The following SLC35F4 variants were observed in gnomAD, a reference collection of about 807,000 sequenced individuals.
SLC35F4 encodes the protein chromosome 14 open reading frame 36.
In SLC35F4, 24 loss-of-function variants were observed where a neutral mutation model predicts 44.2. That is an observed-to-expected ratio of 0.54 (90% confidence interval 0.39 to 0.76). The LOEUF (loss-of-function observed/expected upper bound fraction) is 0.76, where lower values mean the gene tolerates loss of function less well. SLC35F4 is among the 30% of genes least tolerant of loss of function. SLC35F4 has a pLI of 0.00. For missense variants in SLC35F4, 562 were observed against 586.1 expected (o/e 0.96, Z 0.42); for synonymous variants, 238 against 223.6 (o/e 1.06, Z -0.57).
intron 1 of SLC35F4, among the ~76,000 whole-genome samples, chr14:57,875,828 A>T (rs1249584314): frequency 6.6e-6 from 1 of 152,222 alleles, no homozygotes; most frequent in East Asian, 1.9e-4. Flanking sequence ...AATTGTGGCC[A>T]TTCTTGGATT....
intron 1 of SLC35F4, among the ~76,000 whole-genome samples, chr14:57,857,423 A>G (rs1168733202): frequency 6.6e-6 from 1 of 152,054 alleles, no homozygotes; most frequent in Non-Finnish European, 1.5e-5. Context: ...AAGTACATCT[A>G]TTTGATTCAT....
At chr14:57,773,870 G>A (rs536419645) in intron 1 of SLC35F4, among the ~76,000 whole-genome samples, 4 of 152,212 alleles carry the variant, frequency 2.6e-5, no homozygotes, top group African/African-American at 9.6e-5. Flanking sequence ...AGTCACAGGA[G>A]CCCATGTATT....
At position 57,579,478 on chromosome 14, in the gene SLC35F4, A is replaced by G. The variant is rs80180407; in HGVS notation, c.807+1736T>C. On this transcript the variant is annotated intron_variant, in intron 4 of 7. Coordinates refer to ENST00000556826, the MANE Select transcript of SLC35F4 (RefSeq NM_001306087.2). ...TGAGGTCCATGAGTTAAATGTGCTC[A>G]TTTGCTTTAATACAACGGATTTTAT... is the stretch of plus-strand genomic sequence containing the variant. 14 of 152,188 alleles carry G rather than the reference A, an allele frequency of 9.2e-5. No individual in the cohort carries two copies. The East Asian group carries it at 2.7e-3, about 29-fold the overall frequency. The allele number at this position is 152,188 out of a possible 1,614,324, so 9.4% of individuals were successfully genotyped here.
chr14:57,782,908 G>T (rs1458080361), intron 1 of SLC35F4, among the ~76,000 whole-genome samples: 2 of 152,120 alleles, frequency 1.3e-5, no homozygotes, highest in Non-Finnish European at 2.9e-5. Context: ...TTGAAATGTG[G>T]CATAAATTGA....
chr14:57,875,987 C>T (rs1215804872), intron 1 of SLC35F4, among the ~76,000 whole-genome samples: 1 of 152,198 alleles, frequency 6.6e-6, no homozygotes, highest in Non-Finnish European at 1.5e-5. Context: ...CATGGGTTAA[C>T]AGAAGCAATG....
intron 1 of SLC35F4, among the ~76,000 whole-genome samples, chr14:57,672,440 G>T (rs2074550031): frequency 1.3e-5 from 2 of 152,064 alleles, no homozygotes; most frequent in African/African-American, 4.8e-5. Flanking sequence ...GTGCCATGAT[G>T]ACATACATCT....
intron 1 of SLC35F4, among the ~76,000 whole-genome samples, chr14:57,795,008 C>T (rs924897172): frequency 4.6e-5 from 7 of 151,966 alleles, no homozygotes; most frequent in African/African-American, 1.7e-4. Context: ...CAAATTACAC[C>T]CATCTCTGGA....
intron 1 of SLC35F4, among the ~76,000 whole-genome samples, chr14:57,954,640 T>A (rs1320326870): frequency 6.6e-6 from 1 of 152,056 alleles, no homozygotes; most frequent in African/African-American, 2.4e-5. Context: ...GAGAATACTA[T>A]AAACACCTCC....
rs570911209 is a variant in SLC35F4, at chr14:57,719,427, C to A, written c.104-125303G>T. Among the ~76,000 whole-genome samples the A allele has an allele frequency of 6.3e-4, 96 of 152,272 alleles. 3 individuals are homozygous for A. In the South Asian group the frequency reaches 0.019, roughly 31 times the overall value. On this transcript the variant is annotated intron_variant, in intron 1 of 7. Coordinates refer to ENST00000556826, the MANE Select transcript of SLC35F4 (RefSeq NM_001306087.2). ...GCTTTGGGTAGTATGGACATTTTAA[C>A]AATATTGATTCTTTCAATCCATGAA...
rs1162318197 is a variant in SLC35F4, at chr14:57,667,832, T to C, written c.104-73708A>G. ...TCTTTATAGCAGCATGATTTATAAT[T>C]CTTTGGGTATATACCCAGTAATGGG... On this transcript the variant is annotated intron_variant, in intron 1 of 7. Transcript: ENST00000556826. Among the ~76,000 whole-genome samples the C allele has an allele frequency of 3.3e-5, 5 of 150,866 alleles. No homozygotes were observed. In the East Asian group the frequency reaches 5.8e-4, roughly 18 times the overall value.
chr14:57,662,785 C>G (rs759653374), intron 1 of SLC35F4, among the ~76,000 whole-genome samples: 4 of 152,210 alleles, frequency 2.6e-5, no homozygotes, highest in Non-Finnish European at 5.9e-5. Context: ...CCCCTTTACA[C>G]TCATTCTCCA....
At chr14:57,796,062 C>A (rs954284212) in intron 1 of SLC35F4, among the ~76,000 whole-genome samples, 8 of 152,060 alleles carry the variant, frequency 5.3e-5, no homozygotes, top group African/African-American at 1.7e-4. Flanking sequence ...GTTTTCTGTT[C>A]CTGCATTAAT....
At chr14:57,722,440 C>T (rs2076107833) in intron 1 of SLC35F4, among the ~76,000 whole-genome samples, 1 of 152,174 alleles carries the variant, frequency 6.6e-6, no homozygotes, top group Non-Finnish European at 1.5e-5. Flanking sequence ...ACACCCTTGA[C>T]CAATGCCTTG....
At chr14:57,577,220 G>A (rs191741885) in intron 4 of SLC35F4, among the ~76,000 whole-genome samples, 1 of 152,274 alleles carries the variant, frequency 6.6e-6, no homozygotes, top group East Asian at 1.9e-4. Flanking sequence ...GCCTTCAGGG[G>A]CCCAATTTGA....
intron 1 of SLC35F4, among the ~76,000 whole-genome samples, chr14:57,823,171 C>T (rs1883357928): frequency 6.6e-6 from 1 of 152,144 alleles, no homozygotes; most frequent in African/African-American, 2.4e-5. Context: ...GATGGCCCCA[C>T]CTACCTTCTC....
At chr14:57,951,537 T>C (rs1169455798) in intron 1 of SLC35F4, among the ~76,000 whole-genome samples, 1 of 152,166 alleles carries the variant, frequency 6.6e-6, no homozygotes, top group African/African-American at 2.4e-5. Context: ...TCCACTGGCT[T>C]GAAATTCTCG....
intron 1 of SLC35F4, among the ~76,000 whole-genome samples, chr14:57,888,757 T>C (rs1888702506): frequency 6.6e-6 from 1 of 152,230 alleles, no homozygotes; most frequent in Non-Finnish European, 1.5e-5. Flanking sequence ...CTTATTTTAC[T>C]TTATTCATCA....
At chr14:57,970,255 C>T (rs1369473485) in intron 1 of SLC35F4, among the ~76,000 whole-genome samples, 1 of 152,132 alleles carries the variant, frequency 6.6e-6, no homozygotes, top group Admixed American at 6.5e-5. Flanking sequence ...AATGTATTTG[C>T]CTATCTTGAA....
intron 1 of SLC35F4, among the ~76,000 whole-genome samples, chr14:57,965,048 C>T (rs1890414159): frequency 6.7e-6 from 1 of 148,954 alleles, no homozygotes; most frequent in Admixed American, 6.7e-5. Context: ...CAAGAGGCCA[C>T]ACTTAGTGTA....
Sources: allele counts gnomAD v4.1 joint callset (sites outside exome capture counted in the v4.1 genomes callset), GRCh38; gene constraint gnomAD v4.1.1; transcripts MANE v1.5; gene names NCBI Gene and HGNC (gene_info 2026-07-23, HGNC 2026-07-21).